The following CFAP54 variants were observed in gnomAD, a reference collection of about 807,000 sequenced individuals.
The protein encoded by CFAP54 is cilia and flagella associated protein 54.
CFAP54 carries 290 observed loss-of-function variants against 370.4 expected under a neutral mutation model. The observed-to-expected ratio is 0.78, with a 90% CI of 0.71 to 0.86. The LOEUF is 0.86. Ranked by LOEUF, CFAP54 falls within the 40% of genes least tolerant of loss-of-function variation. The pLI, the probability that CFAP54 is intolerant of heterozygous loss-of-function variation, is 0.00. For missense variants in CFAP54, 3,399 were observed against 3,528.7 expected (o/e 0.96, Z 0.93); for synonymous variants, 1,206 against 1,236.5 (o/e 0.98, Z 0.52).
chr12:96,700,159 G>T, intron 46 of CFAP54, 66 bp downstream of exon 46: 1 of 1,473,946 alleles, frequency 6.8e-7, no homozygotes, highest in South Asian at 1.3e-5. Context: ...AAAATGTAAG[G>T]AACATTCCCA....
At chr12:96,639,675 C>A (rs1956702872) in intron 32 of CFAP54, among the ~76,000 whole-genome samples, 2 of 152,148 alleles carry the variant, frequency 1.3e-5, no homozygotes, top group African/African-American at 4.8e-5. Flanking sequence ...ATGCAAAAAT[C>A]CTCAATAAAA....
intron 66 of CFAP54, among the ~76,000 whole-genome samples, chr12:96,843,593 G>A (rs1334978403): frequency 6.6e-6 from 1 of 152,156 alleles, no homozygotes; most frequent in African/African-American, 2.4e-5. Context: ...AAAGTCCAGT[G>A]AGAGTTGGGC....
Position 96,765,075 on chromosome 12 carries a change from A to G in CFAP54, c.8140-2A>G, listed in dbSNP as rs772236223. ...TAATTCTAATTTATGCATTAATTGT[A>G]GGTCAGTGAAGCTGTGCTGGCAATT... On this transcript the variant is annotated splice_acceptor_variant, in intron 59 of 67. Transcript: ENST00000524981. LOFTEE classifies it high-confidence loss of function. 15 of 1,427,588 alleles carry G rather than the reference A, an allele frequency of 1.1e-5. No homozygotes were observed. In the African/African-American group the frequency reaches 2.0e-4, roughly 19 times the overall value. 88.4% of individuals were successfully genotyped at this position (1,427,588 alleles called of 1,614,324 possible).
Position 96,518,948 on chromosome 12 carries a change from G to T in CFAP54, c.819G>T (p.Trp273Cys), listed in dbSNP as rs1447033301. Residue 273 changes from tryptophan to cysteine, a missense_variant, in exon 6 of 68, where the codon TGG (tryptophan) becomes TGT (cysteine). Transcript: ENST00000524981. ...QSSKALEYLL[W>C]ASMCMESLVP... Reference sequence around the variant, plus strand: ...TGCAGGCCTTAGAGTATCTCCTGTGGGCCAGCATGTGTATGGAGTCCTTGG... The same window carrying T: ...TGCAGGCCTTAGAGTATCTCCTGTGTGCCAGCATGTGTATGGAGTCCTTGG... 1.3e-6 allele frequency: 2 copies of T among 1,535,378 alleles called. No homozygotes were observed. The highest frequency in any genetic ancestry group is 2.7e-5 in the African/African-American group (2 of 72,958).
intron 66 of CFAP54, among the ~76,000 whole-genome samples, chr12:96,856,355 A>T (rs973809869): frequency 6.6e-6 from 1 of 152,226 alleles, no homozygotes; most frequent in Non-Finnish European, 1.5e-5. Flanking sequence ...TCTCCCCAGA[A>T]AATGAATTTT....
chr12:96,811,503 C>T (rs951179546), intron 63 of CFAP54, among the ~76,000 whole-genome samples: 1 of 152,132 alleles, frequency 6.6e-6, no homozygotes, highest in Non-Finnish European at 1.5e-5. Flanking sequence ...AAATGTCACT[C>T]TTCAAAAATA....
At chr12:96,677,768 C>T (rs758963500) in intron 39 of CFAP54, among the ~76,000 whole-genome samples, 202 of 152,250 alleles carry the variant, frequency 1.3e-3, no homozygotes, top group Non-Finnish European at 2.3e-3. Flanking sequence ...ACAATTACTT[C>T]TGTCAATGCG....
chr12:96,783,915 G>A (rs901549771), intron 60 of CFAP54, among the ~76,000 whole-genome samples: 2 of 152,070 alleles, frequency 1.3e-5, no homozygotes, highest in African/African-American at 4.8e-5. Context: ...AAAAGTAAGA[G>A]TCAGAAAATC....
intron 43 of CFAP54, among the ~76,000 whole-genome samples, chr12:96,690,454 T>G (rs533252622): frequency 2.6e-5 from 4 of 152,340 alleles, no homozygotes; most frequent in Admixed American, 1.3e-4. Context: ...TGTGTTCATC[T>G]TGTTTCTCCA....
At chr12:96,519,291 G>A (rs1396764069) in intron 6 of CFAP54, among the ~76,000 whole-genome samples, 1 of 152,058 alleles carries the variant, frequency 6.6e-6, no homozygotes, top group Admixed American at 6.5e-5. Context: ...TAGAGACAGG[G>A]TTTTGCCATG....
intron 25 of CFAP54, 25 bp downstream of exon 25, chr12:96,594,471 GA>G: frequency 7.0e-7 from 1 of 1,428,186 alleles, no homozygotes; most frequent in South Asian, 1.5e-5. Context: ...CTCCCCAAGA[GA>G]AGGGAATCTT....
intron 47 of CFAP54, 147 bp from the exon 48 acceptor site, chr12:96,708,461 C>T: frequency 1.6e-6 from 1 of 627,996 alleles, no homozygotes; most frequent in South Asian, 2.2e-5. Flanking sequence ...ACATGTCTCT[C>T]TCAGTAGACC....
chr12:96,630,500 C>A (rs2136475195), intron 31 of CFAP54, 51 bp from the exon 32 acceptor site: 1 of 940,514 alleles, frequency 1.1e-6, no homozygotes, highest in South Asian at 2.0e-5. Flanking sequence ...AATTATACTA[C>A]TGTGTTCAAA....
At chr12:96,712,910 T>C (rs564219423) in intron 48 of CFAP54, among the ~76,000 whole-genome samples, 1 of 152,058 alleles carries the variant, frequency 6.6e-6, no homozygotes, top group African/African-American at 2.4e-5. Context: ...AGAAGACATA[T>C]AAATGGCCAA....
chr12:96,656,410 T>G (rs1956923893), intron 36 of CFAP54, among the ~76,000 whole-genome samples: 1 of 151,674 alleles, frequency 6.6e-6, no homozygotes, highest in Non-Finnish European at 1.5e-5. Context: ...GGAGTTTTGC[T>G]CTTGTTGCCC....
chr12:96,665,615 G>T (rs926466426), intron 39 of CFAP54, among the ~76,000 whole-genome samples: 14 of 152,214 alleles, frequency 9.2e-5, no homozygotes, highest in African/African-American at 3.1e-4. Context: ...GTTTGTTGAA[G>T]ATTAGATAGT....
intron 66 of CFAP54, among the ~76,000 whole-genome samples, chr12:96,838,977 T>A (rs540102191): frequency 1.3e-5 from 2 of 152,150 alleles, no homozygotes; most frequent in African/African-American, 4.8e-5. Context: ...ATTGTCAGTA[T>A]GTTAAGATGG....
At chr12:96,756,220 G>A (rs1177522501) in intron 56 of CFAP54, among the ~76,000 whole-genome samples, 1 of 152,170 alleles carries the variant, frequency 6.6e-6, no homozygotes, top group Non-Finnish European at 1.5e-5. Context: ...GACCAGTTGT[G>A]TAGGGCAAGC....
At chr12:96,560,376 C>G (rs1040117780) in intron 17 of CFAP54, among the ~76,000 whole-genome samples, 49 of 152,104 alleles carry the variant, frequency 3.2e-4, no homozygotes, top group African/African-American at 1.2e-3. Context: ...AGAACATGCT[C>G]TATTATGCAT....
Sources: allele counts gnomAD v4.1 joint callset (sites outside exome capture counted in the v4.1 genomes callset), GRCh38; gene constraint gnomAD v4.1.1; transcripts MANE v1.5; gene names NCBI Gene and HGNC (gene_info 2026-07-23, HGNC 2026-07-21).